The following GABRA5 variants were observed in gnomAD, a reference collection of about 807,000 sequenced individuals.
GABRA5 encodes the protein gamma-aminobutyric acid receptor subunit alpha-5.
Under a neutral mutation model 47.3 loss-of-function variants are expected in GABRA5, and 18 were observed. The ratio of observed to expected loss-of-function variants is 0.38; its 90% CI spans 0.26 to 0.56. GABRA5 has a LOEUF of 0.56. Among genes scored for constraint, GABRA5 ranks in the 20% least tolerant of loss-of-function variants. GABRA5 has a pLI of 0.71. For missense variants in GABRA5, 365 were observed against 599.3 expected (o/e 0.61, Z 4.08); for synonymous variants, 237 against 229.3 (o/e 1.03, Z -0.30).
At chr15:26,870,528 G>T (rs915344735) in intron 3 of GABRA5, among the ~76,000 whole-genome samples, 2 of 152,192 alleles carry the variant, frequency 1.3e-5, no homozygotes, top group African/African-American at 2.4e-5. Context: ...CCACACTGAC[G>T]GGAACAGGTG....
chr15:26,943,994 G>A (rs1166520672), intron 10 of GABRA5, among the ~76,000 whole-genome samples: 5 of 152,210 alleles, frequency 3.3e-5, no homozygotes, highest in African/African-American at 1.2e-4. Flanking sequence ...CTGTTTCCTT[G>A]GGGAGATAAG....
At position 26,904,014 on chromosome 15, in the gene GABRA5, G is replaced by T. The variant is rs570270158; in HGVS notation, c.498-10789G>T. Among the ~76,000 whole-genome samples the T allele has an allele frequency of 1.9e-4, 29 of 152,090 alleles. 1 individual carries two copies. In the South Asian group the frequency reaches 5.8e-3, roughly 31 times the overall value. ...TTTGCTTTTTGTTGCAGTTGCTTTT[G>T]CTATCTTCATCATGAAATCATTGCC... is the stretch of plus-strand genomic sequence containing the variant. On this transcript the variant is annotated intron_variant, in intron 6 of 10. Transcript: ENST00000335625.
At chr15:26,914,737 G>T (rs1415204790) in intron 6 of GABRA5, 66 bp from the exon 7 acceptor site, 1 of 1,238,590 alleles carries the variant, frequency 8.1e-7, no homozygotes, top group African/African-American at 1.5e-5. Flanking sequence ...TCTGGGACAC[G>T]ATGGTGGCTC....
intron 6 of GABRA5, among the ~76,000 whole-genome samples, chr15:26,910,171 T>C (rs1326414243): frequency 1.3e-5 from 2 of 152,168 alleles, no homozygotes; most frequent in Non-Finnish European, 2.9e-5. Flanking sequence ...CTCTAGAATT[T>C]GGCCATTTTA....
chr15:26,889,920 CACAT>C (rs1316525986), intron 6 of GABRA5, among the ~76,000 whole-genome samples: 1 of 152,166 alleles, frequency 6.6e-6, no homozygotes, highest in African/African-American at 2.4e-5. Flanking sequence ...TGTGTATGCA[CACAT>C]AGTCTCCTAT....
At position 26,940,046 on chromosome 15, in the gene GABRA5, C is replaced by T; in HGVS notation, c.846C>T (p.Asn282=). 6.2e-7 allele frequency: 1 copy of T among 1,613,788 alleles called. No individual in the cohort carries two copies. Among genetic ancestry groups the T allele is most frequent in the Non-Finnish European group, 8.5e-7 (1 of 1,179,794 alleles). The change falls in exon 9 of 11, where the codon AAC becomes AAT. Residue 282 remains asparagine, a synonymous_variant. Transcript: ENST00000335625. ...VILSQVSFWL[N]RESVPARTVF... ...TATCACAGGTGTCCTTTTGGCTGAA[C>T]CGGGAATCAGTCCCAGCCAGGACAG...
At chr15:26,869,741 C>T (rs1369340538) in intron 3 of GABRA5, among the ~76,000 whole-genome samples, 1 of 152,164 alleles carries the variant, frequency 6.6e-6, no homozygotes, top group African/African-American at 2.4e-5. Context: ...ATCAAAGTTG[C>T]CTTGAAAGCC....
At chr15:26,901,264 C>T (rs759861286) in intron 6 of GABRA5, among the ~76,000 whole-genome samples, 1 of 152,176 alleles carries the variant, frequency 6.6e-6, no homozygotes, top group South Asian at 2.1e-4. Flanking sequence ...AACCAATTTG[C>T]ATTCACGTCA....
At chr15:26,903,903 A>G (rs1229472807) in intron 6 of GABRA5, among the ~76,000 whole-genome samples, 1 of 151,758 alleles carries the variant, frequency 6.6e-6, no homozygotes, top group African/African-American at 2.4e-5. Context: ...ATTTTCTCTC[A>G]TTCTATAGGT....
At chr15:26,920,815 T>C (rs1281602383) in intron 7 of GABRA5, among the ~76,000 whole-genome samples, 1 of 152,186 alleles carries the variant, frequency 6.6e-6, no homozygotes, top group Non-Finnish European at 1.5e-5. Context: ...TCTAAGCAGC[T>C]CCTAGGCATC....
At chr15:26,938,314 T>G (rs1894296274) in intron 8 of GABRA5, among the ~76,000 whole-genome samples, 1 of 152,174 alleles carries the variant, frequency 6.6e-6, no homozygotes, top group Non-Finnish European at 1.5e-5. Flanking sequence ...CCGGCCGGTT[T>G]TATGCAAACC....
Position 26,947,999 on chromosome 15 carries a change from C to A in GABRA5, c.1155C>A (p.Pro385=). Reference sequence around the variant, plus strand: ...TTACAACTGGGAAGATGTCTCACCCCCCAAACATTCCGAAGGAACAGACCC... The same window carrying A: ...TTACAACTGGGAAGATGTCTCACCCACCAAACATTCCGAAGGAACAGACCC... ...NAFTTGKMSH[P]PNIPKEQTPA... Residue 385 remains proline, a synonymous_variant, in exon 11 of 11, where the codon CCC becomes CCA. Transcript: ENST00000335625. 6.3e-7 allele frequency: 1 copy of A among 1,599,386 alleles called. No individual in the cohort carries two copies. Among genetic ancestry groups the A allele is most frequent in the Non-Finnish European group, 8.5e-7 (1 of 1,172,422 alleles).
chr15:26,947,836 G>T (rs779730045), intron 10 of GABRA5, 98 bp from the exon 11 acceptor site: 55 of 1,087,654 alleles, frequency 5.1e-5, no homozygotes, highest in Non-Finnish European at 7.0e-5. Flanking sequence ...GGCTAAACAG[G>T]TGTTTCTCTC....
chr15:26,907,664 C>T (rs990500191), intron 6 of GABRA5, among the ~76,000 whole-genome samples: 3 of 152,082 alleles, frequency 2.0e-5, no homozygotes, highest in Admixed American at 2.0e-4. Flanking sequence ...ACGTCACAGT[C>T]AGAAAAAAAG....
At chr15:26,870,040 C>T (rs1231329036) in intron 3 of GABRA5, among the ~76,000 whole-genome samples, 2 of 152,136 alleles carry the variant, frequency 1.3e-5, no homozygotes, top group African/African-American at 4.8e-5. Context: ...TGACCCGTGC[C>T]CTAGAATTGT....
intron 7 of GABRA5, among the ~76,000 whole-genome samples, chr15:26,932,303 A>G (rs923540490): frequency 6.6e-6 from 1 of 152,222 alleles, no homozygotes. Flanking sequence ...AAAAGTGGGC[A>G]AAGGACATGA....
intron 7 of GABRA5, among the ~76,000 whole-genome samples, chr15:26,920,064 T>C (rs1893807991): frequency 6.6e-6 from 1 of 152,176 alleles, no homozygotes; most frequent in Non-Finnish European, 1.5e-5. Context: ...ATTTAATGTG[T>C]CTTGGTGTGG....
At chr15:26,875,497 A>G (rs1181924316) in intron 3 of GABRA5, among the ~76,000 whole-genome samples, 3 of 152,314 alleles carry the variant, frequency 2.0e-5, no homozygotes, top group South Asian at 2.1e-4. Context: ...TATGAAGAGT[A>G]ATTCAGAGTA....
At chr15:26,939,858 T>G (rs1595436166) in intron 8 of GABRA5, 67 bp from the exon 9 acceptor site, 1 of 1,550,464 alleles carries the variant, frequency 6.4e-7, no homozygotes, top group Admixed American at 1.7e-5. Context: ...AGGCTCCTGG[T>G]GAACTCCTTG....
Sources: allele counts gnomAD v4.1 joint callset (sites outside exome capture counted in the v4.1 genomes callset), GRCh38; gene constraint gnomAD v4.1.1; transcripts MANE v1.5; gene names NCBI Gene and HGNC (gene_info 2026-07-23, HGNC 2026-07-21).